BARHL2: variants seen among roughly 807,000 people sequenced by gnomAD.
BARHL2 encodes the protein BarH like homeobox 2.
A neutral mutation model predicts 27.1 loss-of-function variants in BARHL2; 10 were observed. The observed-to-expected ratio is 0.37, with a 90% CI of 0.23 to 0.63. The LOEUF is 0.63. Ranked by LOEUF, BARHL2 falls within the 20% of genes least tolerant of loss-of-function variation. The pLI is 0.65. For synonymous variants in BARHL2, 248 were observed against 224.7 expected, an observed-to-expected ratio of 1.10 and a Z score of -0.93; for missense variants, 483 against 533.5, an observed-to-expected ratio of 0.91 and a Z score of 0.93.
At position 90,716,877 on chromosome 1, in the gene BARHL2, G is replaced by C; in HGVS notation, c.319C>G (p.Pro107Ala). ...PAAAPTQSLQ[P>A]LPQQQQPLPP... is the part of the protein sequence containing the mutation. ...AGCGGCTGCTGCTGTTGGGGCAAAG[G>C]CTGCAAACTTTGCGTCGGGGCCGCG... The change falls in exon 1 of 3, where the codon CCT becomes GCT. Residue 107 changes from proline to alanine, a missense_variant. This residue lies in a region of BARHL2 where 304 missense variants were observed against 284.9 expected (regional missense o/e 1.07). Coordinates refer to ENST00000370445, the MANE Select transcript of BARHL2 (RefSeq NM_020063.2). 1 of 1,580,970 alleles carries C rather than the reference G, an allele frequency of 6.3e-7. No homozygotes were observed. Among genetic ancestry groups the C allele is most frequent in the South Asian group, 1.1e-5 (1 of 87,884 alleles).
rs772633942 is a variant in BARHL2, at chr1:90,714,482, A to G, written c.851+49T>C. On this transcript the variant is annotated intron_variant, in intron 2 of 2. Coordinates refer to ENST00000370445, the MANE Select transcript of BARHL2 (RefSeq NM_020063.2). ...AGGGAAGAAGATTGGTATAATGATC[A>G]TGACTTAAATGGCCAGACACCTTTG... 3 of 1,535,766 alleles carry G rather than the reference A, an allele frequency of 2.0e-6. No homozygotes were observed. The African/African-American group carries it at 4.1e-5, about 21-fold the overall frequency.
chr1:90,715,723 A>G (rs1213648104), intron 1 of BARHL2, among the ~76,000 whole-genome samples: 1 of 152,244 alleles, frequency 6.6e-6, no homozygotes, highest in Non-Finnish European at 1.5e-5. Flanking sequence ...TAAAGGAAGA[A>G]AAAGCTCTCC....
rs143607186 is a variant in BARHL2, at chr1:90,713,857, T to C, written c.851+674A>G. ...CAGGCTCTGCAGCACTCTAGCTCCATGTTGAGACAGCAGAGGCAGCCAGTA... is the reference window on the plus strand; with the variant it reads ...CAGGCTCTGCAGCACTCTAGCTCCACGTTGAGACAGCAGAGGCAGCCAGTA... On this transcript the variant is annotated intron_variant, in intron 2 of 2. Transcript: ENST00000370445. 3.6e-3 allele frequency among the ~76,000 whole-genome samples: 541 copies of C among 152,316 alleles called. 12 individuals are homozygous for C. The highest frequency in any genetic ancestry group is 0.024 in the Middle Eastern group (7 of 294).
At position 90,712,111 on chromosome 1, in the gene BARHL2, G is replaced by C; in HGVS notation, c.*201C>G. 2.1e-6 allele frequency: 1 copy of C among 475,210 alleles called. No individual in the cohort carries two copies. The highest frequency in any genetic ancestry group is 3.5e-6 in the Non-Finnish European group (1 of 282,588). 29.4% of individuals were successfully genotyped at this position (475,210 alleles called of 1,614,324 possible). A position where few individuals can be genotyped will look rare whatever the true frequency, so the allele number is the denominator to read the frequency against. On this transcript the variant is annotated 3_prime_UTR_variant, in exon 3 of 3. Coordinates refer to ENST00000370445, the MANE Select transcript of BARHL2 (RefSeq NM_020063.2). ...GGAGATTTCCAGCCCTGTTTCTAGG[G>C]GTGGGGAGATGGAGAGCAGAGGGCT...
chr1:90,717,098 C>G lies in BARHL2; in HGVS notation c.98G>C (p.Arg33Pro), dbSNP rs1381362390. Residue 33 changes from arginine to proline, a missense_variant, in exon 1 of 3, where the codon CGC (arginine) becomes CCC (proline). Transcript: ENST00000370445. Reference protein sequence around the residue: ...GSPGMMNGDFRPLGEARTADF... With the variant: ...GSPGMMNGDFPPLGEARTADF... The stretch of plus-strand genomic sequence containing the variant: ...CGCGGTCCTGGCCTCACCGAGCGGG[C>G]GGAAATCTCCATTCATCATGCCTGG... The G allele has an allele frequency of 6.2e-7, 1 of 1,613,722 alleles. No homozygotes were observed. Among genetic ancestry groups the G allele is most frequent in the South Asian group, 1.1e-5 (1 of 91,020 alleles).
intron 1 of BARHL2, among the ~76,000 whole-genome samples, chr1:90,715,302 A>C (rs1339651827): frequency 1.3e-5 from 2 of 151,878 alleles, no homozygotes; most frequent in Non-Finnish European, 2.9e-5. Flanking sequence ...AGCTTTCTGA[A>C]GCCACCTGCA....
intron 1 of BARHL2, among the ~76,000 whole-genome samples, 181 bp downstream of exon 1, chr1:90,716,390 T>C (rs1658144288): frequency 6.6e-6 from 1 of 152,022 alleles, no homozygotes; most frequent in African/African-American, 2.4e-5. Context: ...AAACAGAACT[T>C]CGAGGAGTCC....
In BARHL2 at chr1:90,711,771, A is replaced by G. The variant is rs904335977; in HGVS notation, c.*541T>C. On this transcript the variant is annotated 3_prime_UTR_variant, in exon 3 of 3. Transcript: ENST00000370445. ...ATATTATGGAGCATGCCACTTTTCC[A>G]AAAGAAAAAAGGTCATGAGAAATCA... is the stretch of plus-strand genomic sequence containing the variant. 4 of 152,066 alleles carry G rather than the reference A, an allele frequency of 2.6e-5. No individual in the cohort carries two copies. Among genetic ancestry groups the G allele is most frequent in the African/African-American group, 9.7e-5 (4 of 41,380 alleles). The allele number at this position is 152,066 out of a possible 1,614,324, so 9.4% of individuals were successfully genotyped here.
Position 90,716,769 on chromosome 1 carries a change from A to T in BARHL2, c.427T>A (p.Leu143Ile). The T allele has an allele frequency of 6.4e-7, 1 of 1,567,306 alleles. No homozygotes were observed. The highest frequency in any genetic ancestry group is 8.7e-7 in the Non-Finnish European group (1 of 1,155,208). ...SAPRTSTSSF[L>I]IKDILGDSKP... ...CTGTCGCCCAAGATGTCCTTAATTA[A>T]AAAAGAAGACGTGGAAGTCCTGGGG... The change falls in exon 1 of 3, where the codon TTA becomes ATA. Residue 143 changes from leucine to isoleucine, a missense_variant. Physicochemically the swap from Leu to Ile is conservative, Grantham distance 5 (BLOSUM62 2). This residue lies in a region of BARHL2 where 304 missense variants were observed against 284.9 expected (regional missense o/e 1.07). Coordinates refer to ENST00000370445, the MANE Select transcript of BARHL2 (RefSeq NM_020063.2).
rs1658160301 is a variant in BARHL2, at chr1:90,716,881, CAA to C, written c.313_314del (p.Leu105AlafsTer40). Reference sequence around the variant, plus strand: ...GCTGCTGCTGTTGGGGCAAAGGCTGCAAACTTTGCGTCGGGGCCGCGGCCGGC... The same window carrying C: ...GCTGCTGCTGTTGGGGCAAAGGCTGCACTTTGCGTCGGGGCCGCGGCCGGC... ...PPPAAAPTQSLQPLPQQQQPL... is the reference protein window; with the variant it reads ...PPPAAAPTQSXQPLPQQQQPL... On this transcript the variant is annotated frameshift_variant, in exon 1 of 3. Transcript: ENST00000370445. LOFTEE classifies it high-confidence loss of function. 6.3e-7 allele frequency: 1 copy of C among 1,585,444 alleles called. No individual in the cohort carries two copies. Among genetic ancestry groups the C allele is most frequent in the East Asian group, 2.3e-5 (1 of 42,664 alleles).
Position 90,717,291 on chromosome 1 carries a change from G to C in BARHL2, c.-96C>G, listed in dbSNP as rs1378548117. The C allele has an allele frequency of 4.6e-6, 7 of 1,506,516 alleles. No homozygotes were observed. The African/African-American group carries it at 1.0e-4, about 22-fold the overall frequency. 93.3% of individuals were successfully genotyped at this position (1,506,516 alleles called of 1,614,324 possible). A position where few individuals can be genotyped will look rare whatever the true frequency, so the allele number is the denominator to read the frequency against. On this transcript the variant is annotated 5_prime_UTR_variant, in exon 1 of 3. Coordinates refer to ENST00000370445, the MANE Select transcript of BARHL2 (RefSeq NM_020063.2). Reference sequence around the variant, plus strand: ...TAAAACAAAATAAACACCAAACAATGTTGCCGCCGCTTAAAAAAAAAAAAG... The same window carrying C: ...TAAAACAAAATAAACACCAAACAATCTTGCCGCCGCTTAAAAAAAAAAAAG...
Position 90,712,579 on chromosome 1 carries a change from G to A in BARHL2, c.897C>T (p.Ala299=), listed in dbSNP as rs141540345. 4.1e-5 allele frequency: 66 copies of A among 1,613,162 alleles called. No individual in the cohort carries two copies. The African/African-American group carries it at 4.9e-4, about 12-fold the overall frequency. ...RQTAVGLELL[A]EAGNYSALQR... ...GCAGCGCCGAGTAGTTCCCTGCCTC[G>A]GCCAGCAACTCCAGGCCCACCGCTG... Residue 299 remains alanine (A), a synonymous_variant, in exon 3 of 3, where the codon GCC becomes GCT. Coordinates refer to ENST00000370445, the MANE Select transcript of BARHL2 (RefSeq NM_020063.2).
At chr1:90,714,313 C>G (rs182540295) in intron 2 of BARHL2, among the ~76,000 whole-genome samples, 1 of 152,318 alleles carries the variant, frequency 6.6e-6, no homozygotes, top group East Asian at 1.9e-4. Context: ...TGTTAAAGCA[C>G]ATAGAATTGC....
In BARHL2 at chr1:90,716,792, G is replaced by C; in HGVS notation, c.404C>G (p.Pro135Arg). 6.4e-7 allele frequency: 1 copy of C among 1,554,708 alleles called. No individual in the cohort carries two copies. Among genetic ancestry groups the C allele is most frequent in the Non-Finnish European group, 8.7e-7 (1 of 1,148,916 alleles). The change falls in exon 1 of 3, where the codon CCC becomes CGC. Residue 135 changes from proline to arginine, a missense_variant. Pro to Arg is a moderately radical substitution (Grantham distance 103). Around this residue, in one of 3 missense-constraint regions of BARHL2, gnomAD observed 304 missense variants for 284.9 expected, o/e 1.07. Transcript: ENST00000370445. ...TAAAAAAGAAGACGTGGAAGTCCTG[G>C]GGGCCGAGGCGGCCGAGCCCAGCTG... ...PQQLGSAASA[P>R]RTSTSSFLIK...
Position 90,716,926 on chromosome 1 carries a change from G to T in BARHL2, c.270C>A (p.His90Gln), listed in dbSNP as rs751178049. ...CGGCCGGCGGCGGCGGCTGCTGGCT[G>T]TGGTGGAGGTGGTGATGATGCTGGG... The part of the protein sequence containing the change: ...DATQHHHHLH[H>Q]SQQPPPPAAA... The change falls in exon 1 of 3, where the codon CAC becomes CAA. Residue 90 changes from histidine to glutamine, a missense_variant. By Grantham distance (24) the His-to-Gln change is conservative. This residue lies in a region of BARHL2 where 304 missense variants were observed against 284.9 expected (regional missense o/e 1.07). Coordinates refer to ENST00000370445, the MANE Select transcript of BARHL2 (RefSeq NM_020063.2). 1.7e-5 allele frequency: 27 copies of T among 1,610,110 alleles called. No individual in the cohort carries two copies. The highest frequency in any genetic ancestry group is 2.0e-5 in the Non-Finnish European group (23 of 1,178,996).
intron 1 of BARHL2, among the ~76,000 whole-genome samples, chr1:90,716,114 A>AGT (rs1553127560): frequency 1.3e-5 from 1 of 76,562 alleles, no homozygotes; most frequent in Non-Finnish European, 3.0e-5. Context: ...AAGAAAATAA[A>AGT]GTGGGGGGGG....
intron 2 of BARHL2, among the ~76,000 whole-genome samples, chr1:90,713,300 G>C (rs952789987): frequency 6.6e-6 from 1 of 152,182 alleles, no homozygotes; most frequent in Non-Finnish European, 1.5e-5. Context: ...ATTCTGAGGT[G>C]GGGGTGAATG....
Position 90,714,707 on chromosome 1 carries a change from G to A in BARHL2, c.675C>T (p.Pro225=). 1 of 1,614,178 alleles carries A rather than the reference G, an allele frequency of 6.2e-7. No homozygotes were observed. The highest frequency in any genetic ancestry group is 2.2e-5 in the East Asian group (1 of 44,884). Residue 225 remains proline, a synonymous_variant, in exon 2 of 3, where the codon CCC becomes CCT. Transcript: ENST00000370445. ...DREITSSRES[P]PVRAKKPRKA... Reference sequence around the variant, plus strand: ...TTCGAGGCTTCTTGGCTCTCACAGGGGGACTCTCACGGCTACTCGTAATCT... The same window carrying A: ...TTCGAGGCTTCTTGGCTCTCACAGGAGGACTCTCACGGCTACTCGTAATCT...
In BARHL2 at chr1:90,716,611, G is replaced by A. The variant is rs1316864976; in HGVS notation, c.585C>T (p.Leu195=). Residue 195 remains leucine (L), a synonymous_variant, in exon 1 of 3, where the codon CTC becomes CTT. Coordinates refer to ENST00000370445, the MANE Select transcript of BARHL2 (RefSeq NM_020063.2). The part of the protein sequence containing the change: ...KLEQEDSKTK[L]DKREDSQSDI... ...CGCTCTGGGAATCCTCCCGCTTGTC[G>A]AGTTTGGTCTTGCTGTCCTCCTGCT... The A allele has an allele frequency of 2.5e-6, 4 of 1,614,210 alleles. No homozygotes were observed. The highest frequency in any genetic ancestry group is 2.2e-5 in the East Asian group (1 of 44,860).
Sources: gnomAD v4.1 joint callset for allele counts (sites outside exome capture counted in the v4.1 genomes callset) on GRCh38, gnomAD v4.1.1 for gene constraint, gnomAD v4.1.1 regional missense constraint, MANE v1.5 for transcripts, NCBI Gene and HGNC (gene_info 2026-07-23, HGNC 2026-07-21) for gene names.